Variants in ARHGAP24 observed in about 807,000 individuals in gnomAD.
ARHGAP24 encodes the protein rho GTPase-activating protein 24.
Under a neutral mutation model 76.4 loss-of-function variants are expected in ARHGAP24, and 50 were observed. That is an observed-to-expected ratio of 0.65 (90% CI 0.52 to 0.83). The LOEUF is 0.83. ARHGAP24 is among the 40% of genes least tolerant of loss of function. The pLI is 0.00. For missense variants in ARHGAP24, 930 were observed against 914.2 expected, an observed-to-expected ratio of 1.02 and a Z score of -0.22; for synonymous variants, 345 against 323.3, an observed-to-expected ratio of 1.07 and a Z score of -0.72.
chr4:85,763,159 T>G (rs563958939), intron 3 of ARHGAP24, among the ~76,000 whole-genome samples: 3 of 152,228 alleles, frequency 2.0e-5, no homozygotes, highest in Non-Finnish European at 2.9e-5. Context: ...TAATTTGGTG[T>G]TGTTATTTAA....
chr4:85,576,042 A>G (rs1170947142), intron 2 of ARHGAP24, among the ~76,000 whole-genome samples: 1 of 152,194 alleles, frequency 6.6e-6, no homozygotes, highest in African/African-American at 2.4e-5. Flanking sequence ...TTAGATCACA[A>G]TGGATTTTCT....
At chr4:85,990,003 A>T (rs527494153) in intron 8 of ARHGAP24, 2 of 151,846 alleles carry the variant, frequency 1.3e-5, no homozygotes, top group Non-Finnish European at 3.0e-5. Flanking sequence ...GAATATGTAA[A>T]ACTCTCTTTA....
rs118105513 is a variant in ARHGAP24 at position 85,754,512 on chromosome 4, G to T, written c.268+32540G>T. On this transcript the variant is annotated intron_variant, in intron 3 of 9. Coordinates refer to ENST00000395184, the MANE Select transcript of ARHGAP24 (RefSeq NM_001025616.3). ...AAGTTTAGTGATGTTTAAGTTCTCAGACTCTTCTATGGAAAGACACAGATT... is the reference window on the plus strand; with the variant it reads ...AAGTTTAGTGATGTTTAAGTTCTCATACTCTTCTATGGAAAGACACAGATT... Among the ~76,000 whole-genome samples the T allele has an allele frequency of 4.9e-4, 75 of 152,250 alleles. No homozygotes were observed. In the East Asian group the frequency reaches 0.014, roughly 29 times the overall value.
intron 1 of ARHGAP24, among the ~76,000 whole-genome samples, chr4:85,518,307 T>C (rs1424587664): frequency 6.6e-6 from 1 of 152,124 alleles, no homozygotes; most frequent in African/African-American, 2.4e-5. Context: ...TCCCAAGGGT[T>C]TTCTAGTTAG....
At chr4:85,958,956 T>C (rs992262426) in intron 5 of ARHGAP24, among the ~76,000 whole-genome samples, 1 of 152,174 alleles carries the variant, frequency 6.6e-6, no homozygotes, top group African/African-American at 2.4e-5. Flanking sequence ...ATAATGTTTT[T>C]GAGGTTCATC....
At chr4:85,631,420 CG>C (rs1721156165) in intron 2 of ARHGAP24, among the ~76,000 whole-genome samples, 1 of 151,946 alleles carries the variant, frequency 6.6e-6, no homozygotes, top group Non-Finnish European at 1.5e-5. Context: ...GTTAGATAAA[CG>C]GAAACTTTTC....
intron 3 of ARHGAP24, among the ~76,000 whole-genome samples, chr4:85,749,180 C>T (rs978455141): frequency 6.6e-6 from 1 of 152,154 alleles, no homozygotes; most frequent in African/African-American, 2.4e-5. Context: ...TTGTCTTTTT[C>T]TCATTTGCCG....
chr4:85,496,616 C>T (rs1035506985), intron 1 of ARHGAP24, among the ~76,000 whole-genome samples: 14 of 152,102 alleles, frequency 9.2e-5, no homozygotes, highest in Admixed American at 3.9e-4. Context: ...CAACAGCATA[C>T]TGATAAAAAT....
chr4:85,855,942 A>T, intron 3 of ARHGAP24, among the ~76,000 whole-genome samples: 2 of 152,246 alleles, frequency 1.3e-5, no homozygotes, highest in South Asian at 4.2e-4. Flanking sequence ...AATTGATGGA[A>T]TTTGAACTAT....
intron 2 of ARHGAP24, among the ~76,000 whole-genome samples, chr4:85,690,208 TC>T (rs1393783882): frequency 1.7e-5 from 2 of 114,734 alleles, no homozygotes; most frequent in Admixed American, 2.1e-4. Flanking sequence ...GCATTGATAT[TC>T]TTCAGAGATA....
At chr4:85,735,103 T>A (rs535613594) in intron 3 of ARHGAP24, among the ~76,000 whole-genome samples, 1 of 152,340 alleles carries the variant, frequency 6.6e-6, no homozygotes, top group African/African-American at 2.4e-5. Context: ...TTGATTGTAC[T>A]GTTTTTATCT....
intron 2 of ARHGAP24, among the ~76,000 whole-genome samples, chr4:85,642,302 A>T (rs980400336): frequency 1.3e-5 from 2 of 152,128 alleles, no homozygotes; most frequent in African/African-American, 4.8e-5. Context: ...ATGGATGAAA[A>T]CCAATAGGCA....
chr4:85,837,773 C>G (rs882639), intron 3 of ARHGAP24, among the ~76,000 whole-genome samples: 45,163 of 152,012 alleles, frequency 0.3, 6,969 homozygotes, highest in Middle Eastern at 0.35. Context: ...ATAAAACTGC[C>G]ATGCTGCGGG....
chr4:85,596,313 A>G (rs893369288), intron 2 of ARHGAP24, among the ~76,000 whole-genome samples: 1 of 152,036 alleles, frequency 6.6e-6, no homozygotes, highest in East Asian at 1.9e-4. Flanking sequence ...TTGAAGGTCA[A>G]ACATGAAGTG....
At chr4:85,659,640 T>C (rs1301991421) in intron 2 of ARHGAP24, among the ~76,000 whole-genome samples, 1 of 152,246 alleles carries the variant, frequency 6.6e-6, no homozygotes, top group African/African-American at 2.4e-5. Context: ...CCCTTCATTT[T>C]GATGAACACA....
At chr4:85,584,532 G>A (rs1337815671) in intron 2 of ARHGAP24, among the ~76,000 whole-genome samples, 2 of 151,714 alleles carry the variant, frequency 1.3e-5, no homozygotes, top group Admixed American at 6.6e-5. Flanking sequence ...CATGACACAT[G>A]TATACATATG....
intron 2 of ARHGAP24, among the ~76,000 whole-genome samples, chr4:85,593,646 G>A (rs1467378088): frequency 1.3e-5 from 2 of 151,988 alleles, no homozygotes; most frequent in African/African-American, 4.8e-5. Context: ...GAGATATGGG[G>A]GTCCAGTTTC....
intron 3 of ARHGAP24, among the ~76,000 whole-genome samples, chr4:85,766,835 T>G (rs1327354753): frequency 6.6e-6 from 1 of 152,118 alleles, no homozygotes; most frequent in African/African-American, 2.4e-5. Context: ...AAACAAAAAC[T>G]CTCACAATTT....
At chr4:85,719,419 T>A (rs1444730766) in intron 2 of ARHGAP24, among the ~76,000 whole-genome samples, 3 of 152,174 alleles carry the variant, frequency 2.0e-5, no homozygotes, top group Admixed American at 2.0e-4. Context: ...TCTTGGGTTT[T>A]GGTTGGAGAG....
Sources: allele counts gnomAD v4.1 joint callset (sites outside exome capture counted in the v4.1 genomes callset), GRCh38; gene constraint gnomAD v4.1.1; transcripts MANE v1.5; gene names NCBI Gene and HGNC (gene_info 2026-07-23, HGNC 2026-07-21).